The following ANKRD11 variants were observed in gnomAD, a reference collection of about 807,000 sequenced individuals.
ANKRD11 encodes the protein ankyrin repeat domain 11, also known as ankyrin repeat domain-containing protein 11.
Under a neutral mutation model 195.7 loss-of-function variants are expected in ANKRD11, and 17 were observed. The observed-to-expected ratio is 0.09, with a 90% CI of 0.06 to 0.13. The LOEUF is 0.13. ANKRD11 is among the 10% of genes least tolerant of loss of function. The probability of loss-of-function intolerance (pLI) is 1.00; values close to 1 mark genes in which losing one functional copy is unlikely to be tolerated. For missense variants in ANKRD11, 3,735 were observed against 3,566.1 expected, an observed-to-expected ratio of 1.05 and a Z score of -1.21; for synonymous variants, 1,953 against 1,528.1, an observed-to-expected ratio of 1.28 and a Z score of -6.49.
intron 1 of ANKRD11, among the ~76,000 whole-genome samples, chr16:89,432,963 TCTCTCTCTCTCTCTCTCTCTCTCTCTC>T (rs1378772477): frequency 6.8e-6 from 1 of 148,020 alleles, no homozygotes; most frequent in African/African-American, 2.6e-5. Context: ...TCTCTCTCTC[TCTCTCTCTCTCTCTCTCTCTCTCTCTC>T]CTCTCTCTCA....
intron 2 of ANKRD11, chr16:89,403,732 C>T (rs1480665386): frequency 6.6e-6 from 1 of 152,070 alleles, no homozygotes; most frequent in East Asian, 1.9e-4. Flanking sequence ...AAGTTTGAGG[C>T]CAATCTGGGC....
intron 2 of ANKRD11, among the ~76,000 whole-genome samples, chr16:89,398,632 C>T (rs2041565211): frequency 6.6e-6 from 1 of 152,074 alleles, no homozygotes; most frequent in Non-Finnish European, 1.5e-5. Context: ...GTTTCAGATA[C>T]TCAGGGGGCT....
intron 4 of ANKRD11, chr16:89,299,797 T>C (rs1247311828): frequency 9.7e-5 from 18 of 186,132 alleles, no homozygotes; most frequent in Admixed American, 2.4e-4. Flanking sequence ...GTGCCCTGTG[T>C]GGGGTACCTG....
chr16:89,271,239 T>A, intron 11 of ANKRD11: 1 of 14,534 alleles, frequency 6.9e-5, no homozygotes. Flanking sequence ...TGGGAGAGAC[T>A]TTTTTTTTTT....
chr16:89,393,318 T>A (rs536499926), intron 2 of ANKRD11, among the ~76,000 whole-genome samples: 27 of 150,546 alleles, frequency 1.8e-4, no homozygotes, highest in African/African-American at 4.7e-4. Context: ...ATTTTTATTT[T>A]TTTTTTTTTT....
chr16:89,474,461 A>T (rs978340627), intron 1 of ANKRD11, among the ~76,000 whole-genome samples: 2 of 140,252 alleles, frequency 1.4e-5, no homozygotes, highest in African/African-American at 2.6e-5. Context: ...TACCTTATGT[A>T]AAAAAAAAAA....
At chr16:89,486,317 T>C (rs1188403391) in intron 1 of ANKRD11, among the ~76,000 whole-genome samples, 1 of 152,008 alleles carries the variant, frequency 6.6e-6, no homozygotes, top group Non-Finnish European at 1.5e-5. Context: ...GGCACATGCC[T>C]GTGGTCCCAG....
At chr16:89,430,742 T>C (rs188588141) in intron 1 of ANKRD11, among the ~76,000 whole-genome samples, 250 of 152,340 alleles carry the variant, frequency 1.6e-3, no homozygotes, top group African/African-American at 5.8e-3. Context: ...ATTTCATTAA[T>C]GCAACCTGAT....
At chr16:89,395,324 G>A (rs1002295986) in intron 2 of ANKRD11, among the ~76,000 whole-genome samples, 1 of 152,242 alleles carries the variant, frequency 6.6e-6, no homozygotes, top group Non-Finnish European at 1.5e-5. Flanking sequence ...TGGGAGCAGC[G>A]TCGGTGTGGA....
chr16:89,325,146 G>C (rs2037626318), intron 2 of ANKRD11: 1 of 152,840 alleles, frequency 6.5e-6, no homozygotes, highest in Admixed American at 6.5e-5. Context: ...CACGCGTGAA[G>C]TGCTTCATAG....
At chr16:89,408,250 C>T (rs1001141668) in intron 2 of ANKRD11, among the ~76,000 whole-genome samples, 7 of 152,262 alleles carry the variant, frequency 4.6e-5, no homozygotes, top group Admixed American at 3.3e-4. Flanking sequence ...CTCAGAAGCC[C>T]AGTTCTCCAC....
intron 2 of ANKRD11, among the ~76,000 whole-genome samples, chr16:89,411,211 C>T (rs778280700): frequency 6.6e-6 from 1 of 152,266 alleles, no homozygotes; most frequent in Non-Finnish European, 1.5e-5. Flanking sequence ...ACCACATCCC[C>T]TCTCGTGTGT....
intron 11 of ANKRD11, chr16:89,272,105 A>C (rs1229483186): frequency 6.6e-6 from 1 of 152,222 alleles, no homozygotes; most frequent in Non-Finnish European, 1.5e-5. Context: ...ACGTTTCTCA[A>C]AGGAGACACA....
At chr16:89,486,022 T>C (rs2057601258) in intron 1 of ANKRD11, among the ~76,000 whole-genome samples, 1 of 152,234 alleles carries the variant, frequency 6.6e-6, no homozygotes, top group Non-Finnish European at 1.5e-5. Context: ...GCAGTCCTGC[T>C]AAAAGTGCTT....
In ANKRD11 at chr16:89,280,914, G is replaced by A. The variant is rs373744852; in HGVS notation, c.5628C>T (p.Thr1876=). ...TTGAGAAGACGCCCTCTGGAGACGG[G>A]GTGACAGTGACAACGGCAGCCGGTG... ...HCPPAAVVTV[T]PSPEGVFSSL... The change falls in exon 9 of 13, where the codon ACC becomes ACT. Residue 1876 remains threonine (T), a synonymous_variant. Coordinates refer to ENST00000301030, the MANE Select transcript of ANKRD11 (RefSeq NM_013275.6). The A allele has an allele frequency of 3.1e-6, 5 of 1,598,958 alleles. No homozygotes were observed. In the African/African-American group the frequency reaches 5.4e-5, roughly 17 times the overall value.
At chr16:89,316,404 C>T (rs2036957986) in intron 3 of ANKRD11, among the ~76,000 whole-genome samples, 1 of 152,154 alleles carries the variant, frequency 6.6e-6, no homozygotes, top group African/African-American at 2.4e-5. Context: ...GCCAATACTG[C>T]AGGACAGGAA....
intron 1 of ANKRD11, among the ~76,000 whole-genome samples, chr16:89,422,468 C>T (rs896349948): frequency 3.3e-5 from 5 of 152,176 alleles, no homozygotes; most frequent in African/African-American, 7.2e-5. Context: ...AAGGCATCCA[C>T]GGACTGAGGC....
chr16:89,280,168 G>A lies in ANKRD11; in HGVS notation c.6374C>T (p.Ala2125Val), dbSNP rs753162681. 2 of 1,609,678 alleles carry A rather than the reference G, an allele frequency of 1.2e-6. No individual in the cohort carries two copies. The highest frequency in any genetic ancestry group is 1.7e-5 in the Admixed American group (1 of 59,778). Residue 2125 changes from alanine (A) to valine (V), a missense_variant, in exon 9 of 13, where the codon GCC (alanine) becomes GTC (valine). Physicochemically the swap from Ala to Val is moderately conservative, Grantham distance 64. Coordinates refer to ENST00000301030, the MANE Select transcript of ANKRD11 (RefSeq NM_013275.6). Reference sequence around the variant, plus strand: ...CAGGTCCAGGTCGTCCTCGGGGCCGGCGAAGGCGTCCGCCCAGGGCACCGG... The same window carrying A: ...CAGGTCCAGGTCGTCCTCGGGGCCGACGAAGGCGTCCGCCCAGGGCACCGG... Reference protein sequence around the residue: ...VEPVPWADAFAGPEDDLDLGP... With the variant: ...VEPVPWADAFVGPEDDLDLGP...
At chr16:89,440,290 T>C (rs1204776286) in intron 1 of ANKRD11, among the ~76,000 whole-genome samples, 1 of 151,892 alleles carries the variant, frequency 6.6e-6, no homozygotes, top group South Asian at 2.1e-4. Context: ...TAAATAACAG[T>C]GGAACTAGGA....
Sources: gnomAD v4.1 joint callset for allele counts (sites outside exome capture counted in the v4.1 genomes callset) on GRCh38, gnomAD v4.1.1 for gene constraint, MANE v1.5 for transcripts, NCBI Gene and HGNC (gene_info 2026-07-23, HGNC 2026-07-21) for gene names.